Variants in FREM3 observed in about 807,000 individuals in gnomAD.
FREM3 encodes the protein FRAS1-related extracellular matrix protein 3.
FREM3 carries 105 observed loss-of-function variants against 129.1 expected under a neutral mutation model. The ratio of observed to expected loss-of-function variants is 0.81; its 90% confidence interval spans 0.69 to 0.96. The LOEUF is 0.96. Ranked by LOEUF, FREM3 falls within the 40% of genes least tolerant of loss-of-function variation. The pLI, the probability that FREM3 is intolerant of heterozygous loss-of-function variation, is 0.00. For missense variants in FREM3, 2,593 were observed against 2,666.3 expected (o/e 0.97, Z 0.61); for synonymous variants, 1,014 against 1,044.9 (o/e 0.97, Z 0.57).
chr4:143,623,232 C>T (rs1323773128), intron 4 of FREM3, among the ~76,000 whole-genome samples: 1 of 152,064 alleles, frequency 6.6e-6, no homozygotes, highest in Non-Finnish European at 1.5e-5. Flanking sequence ...AATTATGATG[C>T]CTCAAAAGAG....
intron 2 of FREM3, among the ~76,000 whole-genome samples, chr4:143,647,122 C>T (rs533203511): frequency 3.9e-5 from 6 of 152,162 alleles, no homozygotes; most frequent in African/African-American, 9.6e-5. Flanking sequence ...AGGAACTTGT[C>T]GGAAATTGAA....
intron 2 of FREM3, among the ~76,000 whole-genome samples, chr4:143,662,404 GAGTTTCTTAATCCTGAGTAGT>G (rs1739751210): frequency 6.6e-6 from 1 of 152,198 alleles, no homozygotes; most frequent in South Asian, 2.1e-4. Context: ...GGTTTTGAGT[GAGTTTCTTAATCCTGAGTAGT>G]AGTTTGATTG....
At chr4:143,632,659 T>G (rs543930794) in intron 2 of FREM3, among the ~76,000 whole-genome samples, 1 of 152,232 alleles carries the variant, frequency 6.6e-6, no homozygotes, top group East Asian at 1.9e-4. Context: ...GCTTTTGAAC[T>G]CCCTGTCCAT....
chr4:143,595,259 C>G (rs879290285), intron 6 of FREM3, among the ~76,000 whole-genome samples: 1 of 152,154 alleles, frequency 6.6e-6, no homozygotes, highest in Non-Finnish European at 1.5e-5. Context: ...ATTCTAGAAA[C>G]AGACGGGTAG....
intron 2 of FREM3, among the ~76,000 whole-genome samples, chr4:143,663,461 T>G (rs1739783552): frequency 6.6e-6 from 1 of 152,132 alleles, no homozygotes; most frequent in Non-Finnish European, 1.5e-5. Flanking sequence ...CTGCTGTTAG[T>G]CGGATGTGCT....
At chr4:143,661,680 A>G (rs1739727128) in intron 2 of FREM3, among the ~76,000 whole-genome samples, 1 of 152,154 alleles carries the variant, frequency 6.6e-6, no homozygotes, top group African/African-American at 2.4e-5. Flanking sequence ...GTTCCTTCTT[A>G]TACCTCTGGT....
Position 143,668,239 on chromosome 4 carries a change from CAAAG to C in FREM3, c.5275+24870_5275+24873del, listed in dbSNP as rs1739900376. Among the ~76,000 whole-genome samples, 4 of 151,808 alleles carry C rather than the reference CAAAG, an allele frequency of 2.6e-5. No homozygotes were observed. In the South Asian group the frequency reaches 8.3e-4, roughly 32 times the overall value. ...CCAGAGCTTATTCTACAAGCTGGGT[CAAAG>C]AAATAAAAAGCAAATGAAGAGAAGG... On this transcript the variant is annotated intron_variant, in intron 2 of 7. Transcript: ENST00000329798.
intron 3 of FREM3, 68 bp downstream of exon 3, chr4:143,627,546 A>T: frequency 8.1e-7 from 1 of 1,233,260 alleles, no homozygotes; most frequent in Non-Finnish European, 1.1e-6. Flanking sequence ...ACTTTCTTGT[A>T]ATTATTTTTA....
At position 143,696,897 on chromosome 4, in the gene FREM3, A is replaced by G; in HGVS notation, c.3779T>C (p.Ile1260Thr). The G allele has an allele frequency of 6.5e-7, 1 of 1,537,598 alleles. No individual in the cohort carries two copies. Among genetic ancestry groups the G allele is most frequent in the Non-Finnish European group, 8.7e-7 (1 of 1,147,012 alleles). The change falls in exon 1 of 8, where the codon ATC becomes ACC. Residue 1260 changes from isoleucine (I) to threonine (T), a missense_variant. Ile to Thr is a moderately conservative substitution (Grantham distance 89). Transcript: ENST00000329798. ...QPIHSFTLKE[I>T]QEASTIVYEH... is the part of the protein sequence containing the mutation. ...ATACACAATGGTGGAGGCCTCCTGG[A>G]TCTCCTTGAGGGTGAAGCTGTGGAT...
At chr4:143,677,984 A>G (rs1740176281) in intron 2 of FREM3, among the ~76,000 whole-genome samples, 1 of 152,338 alleles carries the variant, frequency 6.6e-6, no homozygotes, top group African/African-American at 2.4e-5. Context: ...CAGTGTGGCG[A>G]TTCCTCAGGG....
intron 2 of FREM3, among the ~76,000 whole-genome samples, chr4:143,651,861 T>C (rs1204392786): frequency 6.6e-6 from 1 of 152,252 alleles, no homozygotes; most frequent in Non-Finnish European, 1.5e-5. Context: ...TAATCAGTTA[T>C]GTGCTGAATG....
chr4:143,700,331 G>C lies in FREM3; in HGVS notation c.345C>G (p.Phe115Leu). The C allele has an allele frequency of 6.5e-7, 1 of 1,535,014 alleles. No individual in the cohort carries two copies. Residue 115 changes from phenylalanine (F) to leucine (L), a missense_variant, in exon 1 of 8, where the codon TTC (phenylalanine) becomes TTG (leucine). Transcript: ENST00000329798. ...RLKGALSPRR[F>L]PCTFGPRQVQ... ...CTTGGCGGGGCCCGAAGGTGCAGGGGAAGCGGCGCGGGGAGAGCGCGCCCT... is the reference window on the plus strand; with the variant it reads ...CTTGGCGGGGCCCGAAGGTGCAGGGCAAGCGGCGCGGGGAGAGCGCGCCCT...
intron 2 of FREM3, among the ~76,000 whole-genome samples, chr4:143,673,286 C>A (rs1281638408): frequency 6.6e-6 from 1 of 152,146 alleles, no homozygotes; most frequent in East Asian, 1.9e-4. Context: ...GATGTCCTTC[C>A]TGTTTGTTAG....
At chr4:143,686,713 G>A (rs1334183839) in intron 2 of FREM3, among the ~76,000 whole-genome samples, 2 of 152,148 alleles carry the variant, frequency 1.3e-5, no homozygotes, top group Non-Finnish European at 2.9e-5. Flanking sequence ...TAAATAACCT[G>A]CTCCTGAATG....
chr4:143,636,845 A>G (rs2149845258), intron 2 of FREM3, among the ~76,000 whole-genome samples: 1 of 152,294 alleles, frequency 6.6e-6, no homozygotes, highest in South Asian at 2.1e-4. Flanking sequence ...GTCATTTACC[A>G]AATGATAAAG....
chr4:143,667,500 C>T (rs777063457), intron 2 of FREM3, among the ~76,000 whole-genome samples: 26 of 152,262 alleles, frequency 1.7e-4, no homozygotes, highest in Admixed American at 7.2e-4. Flanking sequence ...TTATATCAGT[C>T]GCTTAAAAAG....
rs1578820873 is a variant in FREM3 at position 143,585,412 on chromosome 4, G to GAC, written c.6178+430_6178+431dup. 6.6e-6 allele frequency among the ~76,000 whole-genome samples: 1 copy of GAC among 152,224 alleles called. No individual in the cohort carries two copies. Among genetic ancestry groups the GAC allele is most frequent in the Non-Finnish European group, 1.5e-5 (1 of 68,052 alleles). On this transcript the variant is annotated intron_variant, in intron 7 of 7. Coordinates refer to ENST00000329798, the MANE Select transcript of FREM3 (RefSeq NM_001168235.2). This position sits in a 1 kb window ranked among gnomAD's most constrained non-coding sequence, Gnocchi z 4.2. Reference sequence around the variant, plus strand: ...AATGCAAAGGTGAGCAGGGCATGAAGACATGCTGTTTGAAGCTAAGGCAAA... The same window carrying GAC: ...AATGCAAAGGTGAGCAGGGCATGAAGACACATGCTGTTTGAAGCTAAGGCAAA...
intron 1 of FREM3, among the ~76,000 whole-genome samples, chr4:143,693,931 G>A (rs1740520218): frequency 6.6e-6 from 1 of 151,958 alleles, no homozygotes; most frequent in South Asian, 2.1e-4. Context: ...AATTCTAAGG[G>A]GAGTTCTTAA....
chr4:143,684,625 G>A (rs1473364656), intron 2 of FREM3, among the ~76,000 whole-genome samples: 1 of 152,138 alleles, frequency 6.6e-6, no homozygotes, highest in African/African-American at 2.4e-5. Context: ...AATCACACTA[G>A]TTCATCAGCA....
Sources: gnomAD v4.1 joint callset for allele counts (sites outside exome capture counted in the v4.1 genomes callset) on GRCh38, gnomAD v4.1.1 for gene constraint, Gnocchi (gnomAD v3.1) non-coding constraint, MANE v1.5 for transcripts, NCBI Gene and HGNC (gene_info 2026-07-23, HGNC 2026-07-21) for gene names.